C4orf50: variants seen among roughly 807,000 people sequenced by gnomAD.
C4orf50 encodes the protein uncharacterized protein C4orf50.
C4orf50 carries 80 observed loss-of-function variants against 77.2 expected under a neutral mutation model. The ratio of observed to expected loss-of-function variants is 1.04; its 90% confidence interval spans 0.87 to 1.25. The LOEUF is 1.25. Ranked by LOEUF, C4orf50 falls within the 50% of genes most tolerant of loss-of-function variation. The pLI is 0.00. For missense variants in C4orf50, 1,257 were observed against 1,152.9 expected (o/e 1.09, Z -1.31); for synonymous variants, 532 against 465.3 (o/e 1.14, Z -1.84).
chr4:5,977,106 G>A (rs1486455211), intron 29 of C4orf50, among the ~76,000 whole-genome samples: 1 of 152,224 alleles, frequency 6.6e-6, no homozygotes, highest in African/African-American at 2.4e-5. Context: ...ACCCTGCAGA[G>A]GGGGCAGGAT....
In C4orf50 at chr4:6,011,349, G is replaced by A. The variant is rs1722487223; in HGVS notation, c.426+481C>T. Among the ~76,000 whole-genome samples the A allele has an allele frequency of 6.6e-6, 1 of 152,078 alleles. No individual in the cohort carries two copies. The highest frequency in any genetic ancestry group is 6.6e-5 in the Admixed American group (1 of 15,266). Reference sequence around the variant, plus strand: ...CACCTCTGTGCTACGGCCCCGTGCTGTCAGCCACGCCTCACATGCCCTTCC... The same window carrying A: ...CACCTCTGTGCTACGGCCCCGTGCTATCAGCCACGCCTCACATGCCCTTCC... On this transcript the variant is annotated intron_variant, in intron 24 of 33. Transcript: ENST00000531445. This position sits in a 1 kb window ranked among gnomAD's most constrained non-coding sequence, Gnocchi z 4.2.
At chr4:5,983,400 C>G (rs1461211166) in intron 28 of C4orf50, among the ~76,000 whole-genome samples, 6 of 152,326 alleles carry the variant, frequency 3.9e-5, no homozygotes, top group African/African-American at 1.4e-4. Context: ...ACGCTGACTA[C>G]TTTCTGTTTT....
exon 28 of C4orf50, chr4:5,989,042 C>T: frequency 6.5e-7 from 1 of 1,536,066 alleles, no homozygotes; most frequent in East Asian, 2.4e-5. Flanking sequence ...TCTTCAAGGT[C>T]AGAGATTGCC....
intron 7 of C4orf50, among the ~76,000 whole-genome samples, chr4:5,947,476 A>C (rs1718533136): frequency 1.3e-5 from 2 of 152,234 alleles, no homozygotes; most frequent in South Asian, 4.1e-4. Context: ...AAAAGAATGC[A>C]GCCTCCAGAA....
At chr4:5,947,987 T>C (rs1053693694) in intron 7 of C4orf50, among the ~76,000 whole-genome samples, 2 of 152,180 alleles carry the variant, frequency 1.3e-5, no homozygotes, top group Non-Finnish European at 2.9e-5. Context: ...CTGTCCCCTA[T>C]GTGCGCCCAC....
In C4orf50 at chr4:5,932,559, C is replaced by T. The variant is rs776648220; in HGVS notation, c.*2474+24342G>A. ...CAATTGATCCTCCCGCCTCAGCCTCCTGAGTAGCTGCAACTACAGGTGCAT... is the reference window on the plus strand; with the variant it reads ...CAATTGATCCTCCCGCCTCAGCCTCTTGAGTAGCTGCAACTACAGGTGCAT... On this transcript the variant is annotated intron_variant, in intron 7 of 7. Coordinates refer to the C4orf50 transcript ENST00000324058. The surrounding 1 kb of genome is among the most constrained non-coding windows in gnomAD (Gnocchi z 4.2). 1.3e-5 allele frequency among the ~76,000 whole-genome samples: 2 copies of T among 152,214 alleles called. No homozygotes were observed. The highest frequency in any genetic ancestry group is 2.4e-5 in the African/African-American group (1 of 41,452).
intron 7 of C4orf50, among the ~76,000 whole-genome samples, chr4:5,928,086 A>G (rs187803486): frequency 1.4e-4 from 22 of 152,338 alleles, no homozygotes; most frequent in African/African-American, 3.6e-4. Context: ...CTTGCAATAT[A>G]TTAAGGAACA....
chr4:5,983,159 C>CT (rs1390869162), intron 28 of C4orf50, among the ~76,000 whole-genome samples: 1 of 152,228 alleles, frequency 6.6e-6, no homozygotes, highest in African/African-American at 2.4e-5. Context: ...CAGCCACCGA[C>CT]TCCTCTCAGC....
intron 7 of C4orf50, among the ~76,000 whole-genome samples, chr4:5,933,557 T>C (rs1347073037): frequency 6.6e-6 from 1 of 152,202 alleles, no homozygotes; most frequent in East Asian, 1.9e-4. Flanking sequence ...CCCTGAGGGC[T>C]GGAGCTATGT....
intron 7 of C4orf50, among the ~76,000 whole-genome samples, chr4:5,928,512 G>A (rs931796398): frequency 2.6e-5 from 4 of 152,214 alleles, no homozygotes; most frequent in Non-Finnish European, 5.9e-5. Context: ...GAAACCAGGA[G>A]GCAGATCTGT....
rs1258004514 is a variant in C4orf50 at position 5,981,733 on chromosome 4, A to C, written c.3700-1395T>G. ...ATGAGCATCTTTAAGCTCTTGGTTC[A>C]TGCTGCTGAGGCGGCCTTAGAAGAA... is the stretch of plus-strand genomic sequence containing the variant. On this transcript the variant is annotated intron_variant, in intron 28 of 33. Transcript: ENST00000531445. Among the ~76,000 whole-genome samples the C allele has an allele frequency of 4.6e-5, 7 of 152,140 alleles. No homozygotes were observed. In the South Asian group the frequency reaches 1.5e-3, roughly 32 times the overall value.
At chr4:5,911,161 G>A (rs1007044318) in intron 7 of C4orf50, among the ~76,000 whole-genome samples, 10 of 151,928 alleles carry the variant, frequency 6.6e-5, no homozygotes, top group Non-Finnish European at 8.8e-5. Context: ...CACCTGCCTC[G>A]GCCTCCCAAA....
intron 7 of C4orf50, among the ~76,000 whole-genome samples, chr4:5,910,737 T>G (rs1716766616): frequency 6.6e-6 from 1 of 152,052 alleles, no homozygotes; most frequent in Non-Finnish European, 1.5e-5. Context: ...AAGAAGCTTT[T>G]TTGGTGTTTG....
chr4:5,920,774 C>T (rs116766715), intron 7 of C4orf50, among the ~76,000 whole-genome samples: 2,698 of 152,338 alleles, frequency 0.018, 35 homozygotes, highest in Middle Eastern at 0.027. Context: ...CAGCACCTGG[C>T]CAAATATTGC....
intron 25 of C4orf50, among the ~76,000 whole-genome samples, chr4:5,997,149 G>C (rs1560593487): frequency 6.6e-6 from 1 of 152,228 alleles, no homozygotes; most frequent in Non-Finnish European, 1.5e-5. Context: ...AATAGAAAAA[G>C]GGAGAGGCTG....
chr4:5,980,480 A>C, intron 28 of C4orf50, 142 bp from the exon 7 acceptor site: 1 of 702,004 alleles, frequency 1.4e-6, no homozygotes, highest in Non-Finnish European at 2.4e-6. Context: ...CTCTTACAGT[A>C]AGTTTTAGAA....
chr4:5,973,597 A>G (rs1024291167), intron 31 of C4orf50, 62 bp downstream of exon 9: 6 of 1,376,826 alleles, frequency 4.4e-6, no homozygotes, highest in Non-Finnish European at 6.1e-6. Context: ...AGGCAGGGGC[A>G]TGCAAGGGAC....
intron 7 of C4orf50, chr4:5,923,240 A>T (rs1476821580): frequency 6.5e-6 from 1 of 154,366 alleles, no homozygotes; most frequent in Admixed American, 6.5e-5. Flanking sequence ...TGGCCGAAGG[A>T]TCGCAGCTAA....
intron 7 of C4orf50, chr4:5,899,341 G>C (rs1716250811): frequency 1.3e-5 from 2 of 152,214 alleles, no homozygotes; most frequent in East Asian, 3.8e-4. Context: ...CTGCACCCAA[G>C]AGATTCATTT....
Sources: allele counts gnomAD v4.1 joint callset (sites outside exome capture counted in the v4.1 genomes callset), GRCh38; gene constraint gnomAD v4.1.1; non-coding constraint Gnocchi (gnomAD v3.1); transcripts MANE v1.5; gene names NCBI Gene and HGNC (gene_info 2026-07-23, HGNC 2026-07-21).